The following CCSER2 variants were observed in gnomAD, a reference collection of about 807,000 sequenced individuals.
The protein encoded by CCSER2 is coiled-coil serine rich protein 2.
In CCSER2, 46 loss-of-function variants were observed where a neutral mutation model predicts 92.3. The ratio of observed to expected loss-of-function variants is 0.50; its 90% CI spans 0.39 to 0.64. The LOEUF (loss-of-function observed/expected upper bound fraction) is 0.64, where lower values mean the gene tolerates loss of function less well. Among genes scored for constraint, CCSER2 ranks in the 30% least tolerant of loss-of-function variants. The pLI, the probability that CCSER2 is intolerant of heterozygous loss-of-function variation, is 0.00. For synonymous variants in CCSER2, 433 were observed against 431.4 expected (o/e 1.00, Z -0.04); for missense variants, 1,244 against 1,238.9 (o/e 1.00, Z -0.06).
intron 1 of CCSER2, among the ~76,000 whole-genome samples, chr10:84,332,350 A>G (rs978147649): frequency 3.4e-5 from 5 of 146,078 alleles, no homozygotes; most frequent in East Asian, 3.9e-4. Flanking sequence ...CTTGAAAAAC[A>G]TTTCTGATCT....
intron 1 of CCSER2, among the ~76,000 whole-genome samples, chr10:84,352,302 C>CA (rs202094830): frequency 0.025 from 3,225 of 130,354 alleles, 57 homozygotes; most frequent in Non-Finnish European, 0.04. Flanking sequence ...GACTCTGTCT[C>CA]AAAAAAAACA....
intron 1 of CCSER2, among the ~76,000 whole-genome samples, chr10:84,338,056 G>T (rs1287220867): frequency 1.3e-5 from 2 of 152,070 alleles, no homozygotes; most frequent in Non-Finnish European, 2.9e-5. Flanking sequence ...TGAGGCAGTT[G>T]GATCACCTGA....
rs1843393675 is a variant in CCSER2 at position 84,328,823 on chromosome 10, C to G, written c.-40+15C>G. The stretch of plus-strand genomic sequence containing the variant: ...ACCTCCGCACGGTGAGATCCGGGCT[C>G]AGGGCCAGAGCCGGGGCCGGGGTCG... On this transcript the variant is annotated intron_variant, in intron 1 of 9. Coordinates refer to ENST00000372088, the MANE Select transcript of CCSER2 (RefSeq NM_001284240.2). The G allele has an allele frequency of 6.6e-6, 1 of 151,344 alleles. No homozygotes were observed. The highest frequency in any genetic ancestry group is 6.6e-5 in the Admixed American group (1 of 15,118). The allele number at this position is 151,344 out of a possible 1,614,324, so 9.4% of individuals were successfully genotyped here. A position where few individuals can be genotyped will look rare whatever the true frequency, so the allele number is the denominator to read the frequency against.
intron 6 of CCSER2, among the ~76,000 whole-genome samples, chr10:84,452,832 C>T (rs1002805011): frequency 4.6e-5 from 7 of 151,994 alleles, no homozygotes; most frequent in African/African-American, 1.7e-4. Context: ...TCCCCGCCGC[C>T]CCCCTCCCCC....
chr10:84,502,306 A>G (rs1308410308), intron 9 of CCSER2, among the ~76,000 whole-genome samples: 1 of 151,738 alleles, frequency 6.6e-6, no homozygotes, highest in African/African-American at 2.4e-5. Context: ...GATTGTGCTT[A>G]AGAAGATAGT....
intron 1 of CCSER2, 125 bp from the exon 2 acceptor site, chr10:84,370,889 T>C: frequency 2.3e-6 from 1 of 443,456 alleles, no homozygotes; most frequent in Non-Finnish European, 3.9e-6. Context: ...CCAGGAGTTC[T>C]GTAGGAATCA....
chr10:84,498,548 C>G (rs916336300), intron 9 of CCSER2, among the ~76,000 whole-genome samples: 9 of 151,598 alleles, frequency 5.9e-5, no homozygotes, highest in Admixed American at 2.0e-4. Context: ...TTGATTATAC[C>G]TGAGTCAAAG....
At chr10:84,411,783 A>G (rs1055520712) in intron 3 of CCSER2, among the ~76,000 whole-genome samples, 7 of 152,150 alleles carry the variant, frequency 4.6e-5, no homozygotes, top group South Asian at 2.1e-4. Flanking sequence ...TTCTCTTCCT[A>G]TTTGAATACC....
chr10:84,374,171 G>A (rs1478508665), intron 3 of CCSER2, among the ~76,000 whole-genome samples: 2 of 151,976 alleles, frequency 1.3e-5, no homozygotes, highest in African/African-American at 4.8e-5. Context: ...GGCATCTAGT[G>A]GGTAGATGCC....
At chr10:84,473,592 A>G (rs553074027) in intron 8 of CCSER2, among the ~76,000 whole-genome samples, 21 of 152,326 alleles carry the variant, frequency 1.4e-4, no homozygotes, top group African/African-American at 4.8e-4. Flanking sequence ...GAACTCGAGA[A>G]AGTCACTTGT....
chr10:84,433,796 A>G, intron 5 of CCSER2, among the ~76,000 whole-genome samples: 1 of 151,910 alleles, frequency 6.6e-6, no homozygotes. Flanking sequence ...TGTTGATTTT[A>G]TTGGCAGCAC....
Position 84,513,377 on chromosome 10 carries a change from A to T in CCSER2, c.2326-72A>T. 3.6e-6 allele frequency: 4 copies of T among 1,126,694 alleles called. 1 individual carries two copies. The South Asian group carries it at 6.0e-5, about 17-fold the overall frequency. 69.8% of individuals were successfully genotyped at this position (1,126,694 alleles called of 1,614,324 possible). A position where few individuals can be genotyped will look rare whatever the true frequency, so the allele number is the denominator to read the frequency against. On this transcript the variant is annotated intron_variant, in intron 9 of 9. Transcript: ENST00000372088. ...GCCATAATAAGTACCAACACAGCCT[A>T]ATTGGTATTTATATTAAATCTGGGT...
At chr10:84,393,368 G>T (rs145715645) in intron 3 of CCSER2, among the ~76,000 whole-genome samples, 1 of 152,122 alleles carries the variant, frequency 6.6e-6, no homozygotes, top group Admixed American at 6.5e-5. Flanking sequence ...AAAAGGCTGC[G>T]TAAATGTCAG....
At chr10:84,491,081 G>A (rs887865180) in intron 9 of CCSER2, among the ~76,000 whole-genome samples, 2 of 152,210 alleles carry the variant, frequency 1.3e-5, no homozygotes, top group Non-Finnish European at 2.9e-5. Flanking sequence ...AAATGTTTCT[G>A]CCTGATCATT....
At chr10:84,343,170 G>T (rs1206574667) in intron 1 of CCSER2, among the ~76,000 whole-genome samples, 2 of 152,116 alleles carry the variant, frequency 1.3e-5, no homozygotes, top group Non-Finnish European at 2.9e-5. Context: ...GCCTGGCCCT[G>T]TTTCTTGTTC....
chr10:84,340,538 A>C (rs1246582275), intron 1 of CCSER2, among the ~76,000 whole-genome samples: 1 of 152,106 alleles, frequency 6.6e-6, no homozygotes, highest in Non-Finnish European at 1.5e-5. Context: ...ATATTTATTA[A>C]ATATTTCTTT....
At chr10:84,346,087 G>T (rs751605092) in intron 1 of CCSER2, among the ~76,000 whole-genome samples, 12 of 152,056 alleles carry the variant, frequency 7.9e-5, no homozygotes, top group African/African-American at 2.7e-4. Flanking sequence ...TTTTTGAGAC[G>T]GAGTTTCACT....
In CCSER2 at chr10:84,386,112, A is replaced by G. The variant is rs1010121453; in HGVS notation, c.1614+12297A>G. ...TTGGTGAGGATGTGGAGAAAAGGGAATACTTATAACACTGTTGGTGGGAAT... is the reference window on the plus strand; with the variant it reads ...TTGGTGAGGATGTGGAGAAAAGGGAGTACTTATAACACTGTTGGTGGGAAT... On this transcript the variant is annotated intron_variant, in intron 3 of 9. Coordinates refer to ENST00000372088, the MANE Select transcript of CCSER2 (RefSeq NM_001284240.2). 3.9e-5 allele frequency among the ~76,000 whole-genome samples: 6 copies of G among 152,192 alleles called. No homozygotes were observed. The South Asian group carries it at 8.3e-4, about 21-fold the overall frequency.
chr10:84,386,452 C>T (rs1841211510), intron 3 of CCSER2, among the ~76,000 whole-genome samples: 1 of 152,196 alleles, frequency 6.6e-6, no homozygotes, highest in Non-Finnish European at 1.5e-5. Context: ...CCTAGTGGCT[C>T]ATGCCTGTAA....
Sources: gnomAD v4.1 joint callset for allele counts (sites outside exome capture counted in the v4.1 genomes callset) on GRCh38, gnomAD v4.1.1 for gene constraint, MANE v1.5 for transcripts, NCBI Gene and HGNC (gene_info 2026-07-23, HGNC 2026-07-21) for gene names.